Variants in KAZN observed in about 807,000 individuals in gnomAD.
The protein encoded by KAZN is kazrin.
A neutral mutation model predicts 87.4 loss-of-function variants in KAZN; 40 were observed. That is an observed-to-expected ratio of 0.46 (90% CI 0.36 to 0.60). The LOEUF is 0.60. Ranked by LOEUF, KAZN falls within the 20% of genes least tolerant of loss-of-function variation. KAZN has a pLI of 0.00. For missense variants in KAZN, 898 were observed against 1,073.9 expected, an observed-to-expected ratio of 0.84 and a Z score of 2.29; for synonymous variants, 466 against 458.3, an observed-to-expected ratio of 1.02 and a Z score of -0.22.
At chr1:14,574,569 C>T (rs1047266452) in intron 2 of KAZN, among the ~76,000 whole-genome samples, 6 of 152,264 alleles carry the variant, frequency 3.9e-5, no homozygotes, top group African/African-American at 9.6e-5. Context: ...CATCTTCTGC[C>T]GTGATTGTGA....
intron 2 of KAZN, among the ~76,000 whole-genome samples, chr1:14,995,554 G>C (rs555415917): frequency 8.1e-4 from 123 of 152,194 alleles, no homozygotes; most frequent in African/African-American, 2.9e-3. Flanking sequence ...AACCCTGGAG[G>C]CAGAGGTTGC....
chr1:14,478,533 C>G (rs1668899487), intron 2 of KAZN, among the ~76,000 whole-genome samples: 1 of 152,190 alleles, frequency 6.6e-6, no homozygotes, highest in African/African-American at 2.4e-5. Flanking sequence ...ATGCCTCAAA[C>G]TCAACATGTC....
intron 1 of KAZN, among the ~76,000 whole-genome samples, chr1:14,009,281 A>C (rs1470481040): frequency 6.6e-6 from 1 of 152,194 alleles, no homozygotes; most frequent in Non-Finnish European, 1.5e-5. Flanking sequence ...ATGTACACGT[A>C]AGTCTTTGAG....
At chr1:14,890,406 C>T (rs1326166898) in intron 1 of KAZN, among the ~76,000 whole-genome samples, 2 of 152,216 alleles carry the variant, frequency 1.3e-5, no homozygotes, top group African/African-American at 2.4e-5. Flanking sequence ...AGTGGGACAT[C>T]GTCCCGCTGC....
rs1667858092 is a variant in KAZN at position 14,996,327 on chromosome 1, C to T, written c.418+35452C>T. Among the ~76,000 whole-genome samples, 1 of 152,130 alleles carries T rather than the reference C, an allele frequency of 6.6e-6. No homozygotes were observed. Among genetic ancestry groups the T allele is most frequent in the African/African-American group, 2.4e-5 (1 of 41,446 alleles). ...ACCTTCCCTTCTGTTCCCTCAGTCC[C>T]TTCTCCCTGGGTCCTGACACTGGAT... On this transcript the variant is annotated intron_variant, in intron 2 of 14. Transcript: ENST00000376030. This position sits in a 1 kb window ranked among gnomAD's most constrained non-coding sequence, Gnocchi z 5.9.
At chr1:14,908,907 T>C (rs894552098) in intron 1 of KAZN, among the ~76,000 whole-genome samples, 1 of 151,606 alleles carries the variant, frequency 6.6e-6, no homozygotes, top group Non-Finnish European at 1.5e-5. Flanking sequence ...CCCAGCTACT[T>C]GGGAGGCTGA....
At position 15,099,741 on chromosome 1, in the gene KAZN, T is replaced by C. The variant is rs941598416; in HGVS notation, c.1548-1802T>C. On this transcript the variant is annotated intron_variant, in intron 10 of 14. Coordinates refer to ENST00000376030, the MANE Select transcript of KAZN (RefSeq NM_201628.3). The surrounding 1 kb of genome is among the most constrained non-coding windows in gnomAD (Gnocchi z 5.4). ...GGAGTGCACGGTCACACTGACATTT[T>C]AAAAGGACCCCCTGGTGGTCCTGGG... is the stretch of plus-strand genomic sequence containing the variant. Among the ~76,000 whole-genome samples, 10 of 152,216 alleles carry C rather than the reference T, an allele frequency of 6.6e-5. No homozygotes were observed. Among genetic ancestry groups the C allele is most frequent in the African/African-American group, 2.2e-4 (9 of 41,528 alleles).
At chr1:14,383,354 C>A (rs893912284) in intron 2 of KAZN, among the ~76,000 whole-genome samples, 4 of 151,774 alleles carry the variant, frequency 2.6e-5, no homozygotes, top group Admixed American at 2.0e-4. Flanking sequence ...CTTTTGTTGC[C>A]ATTGCTTTTG....
chr1:14,177,656 T>C (rs1206175209), intron 1 of KAZN, among the ~76,000 whole-genome samples: 2 of 152,184 alleles, frequency 1.3e-5, no homozygotes, highest in Non-Finnish European at 2.9e-5. Flanking sequence ...TCTCTAAATG[T>C]AACATGCCTT....
chr1:14,873,124 GTGGATGGA>G (rs537106361), intron 1 of KAZN, among the ~76,000 whole-genome samples: 1 of 144,854 alleles, frequency 6.9e-6, no homozygotes, highest in African/African-American at 2.6e-5. Context: ...GAATGGATGG[GTGGATGGA>G]TGGATGGATG....
chr1:14,797,803 G>A (rs1340447853), intron 1 of KAZN, among the ~76,000 whole-genome samples: 1 of 152,178 alleles, frequency 6.6e-6, no homozygotes, highest in Non-Finnish European at 1.5e-5. Flanking sequence ...ATCACAGCAT[G>A]TCTCTTTCAT....
chr1:14,465,962 C>T (rs1278396170), intron 2 of KAZN, among the ~76,000 whole-genome samples: 1 of 152,138 alleles, frequency 6.6e-6, no homozygotes, highest in Admixed American at 6.5e-5. Flanking sequence ...CACACAAATA[C>T]TCCTCATTAT....
intron 1 of KAZN, among the ~76,000 whole-genome samples, chr1:14,002,015 C>G (rs1303686340): frequency 6.6e-6 from 1 of 152,128 alleles, no homozygotes; most frequent in African/African-American, 2.4e-5. Context: ...TCTAATTAAA[C>G]TAAAGAACTT....
At position 14,419,939 on chromosome 1, in the gene KAZN, TTCCACAAG is replaced by T. The variant is rs1393692317; in HGVS notation, c.250-179043_250-179036del. Among the ~76,000 whole-genome samples the T allele has an allele frequency of 7.2e-5, 11 of 152,230 alleles. No homozygotes were observed. The East Asian group carries it at 1.9e-3, about 27-fold the overall frequency. The stretch of plus-strand genomic sequence containing the variant: ...ATTGCAAAGAGCGAAAGAACAAAAC[TTCCACAAG>T]GTGGAAGGGAACATTAGGGGATTGC... On this transcript the variant is annotated intron_variant, in intron 2 of 16. Coordinates refer to the KAZN transcript ENST00000636203.
chr1:14,615,109 G>A (rs528483084), intron 1 of KAZN, among the ~76,000 whole-genome samples: 1 of 152,378 alleles, frequency 6.6e-6, no homozygotes, highest in Non-Finnish European at 1.5e-5. Flanking sequence ...TGCAGGCACT[G>A]AGGAAGGAAA....
At chr1:14,305,064 C>A (rs1458576626) in intron 2 of KAZN, among the ~76,000 whole-genome samples, 2 of 152,020 alleles carry the variant, frequency 1.3e-5, no homozygotes, top group South Asian at 2.1e-4. Flanking sequence ...ACTCACACAT[C>A]CCTAAATTTT....
intron 1 of KAZN, among the ~76,000 whole-genome samples, chr1:14,130,486 C>A (rs1466732401): frequency 6.6e-6 from 1 of 152,126 alleles, no homozygotes; most frequent in Non-Finnish European, 1.5e-5. Flanking sequence ...TTAATGCATG[C>A]TGTTTCTGAA....
intron 1 of KAZN, among the ~76,000 whole-genome samples, chr1:13,915,445 G>T (rs1057452431): frequency 6.6e-6 from 1 of 152,148 alleles, no homozygotes; most frequent in Non-Finnish European, 1.5e-5. Context: ...TGGAGGACCC[G>T]CAATAGCAAA....
chr1:14,626,575 C>T (rs990363246), intron 1 of KAZN, among the ~76,000 whole-genome samples: 1 of 152,100 alleles, frequency 6.6e-6, no homozygotes, highest in Admixed American at 6.5e-5. Context: ...TCCAGCCTCT[C>T]GTCCACTTTC....
Sources: allele counts gnomAD v4.1 joint callset (sites outside exome capture counted in the v4.1 genomes callset), GRCh38; gene constraint gnomAD v4.1.1; non-coding constraint Gnocchi (gnomAD v3.1); transcripts MANE v1.5; gene names NCBI Gene and HGNC (gene_info 2026-07-23, HGNC 2026-07-21).